The following PACSIN2 variants were observed in gnomAD, a reference collection of about 807,000 sequenced individuals.
PACSIN2 encodes the protein protein kinase C and casein kinase substrate in neurons 2.
PACSIN2 carries 25 observed loss-of-function variants against 63.8 expected under a neutral mutation model. The ratio of observed to expected loss-of-function variants is 0.39; its 90% CI spans 0.29 to 0.55. PACSIN2 has a LOEUF of 0.55. PACSIN2 is among the 20% of genes least tolerant of loss of function. The pLI is 0.62. For missense variants in PACSIN2, 518 were observed against 646.9 expected, an observed-to-expected ratio of 0.80 and a Z score of 2.16; for synonymous variants, 255 against 256.2, an observed-to-expected ratio of 1.00 and a Z score of 0.05.
At chr22:42,997,037 G>A (rs1038178026) in intron 1 of PACSIN2, among the ~76,000 whole-genome samples, 7 of 152,176 alleles carry the variant, frequency 4.6e-5, no homozygotes, top group Admixed American at 4.6e-4. Flanking sequence ...GCTAGAAGGG[G>A]GCTGGGAGGT....
intron 5 of PACSIN2, among the ~76,000 whole-genome samples, chr22:42,887,077 G>A (rs2746988): frequency 1.3e-5 from 2 of 152,138 alleles, no homozygotes; most frequent in Non-Finnish European, 2.9e-5. Flanking sequence ...GAGTTCTCCC[G>A]GACCTTGTGC....
chr22:42,981,714 G>A (rs1318780263), intron 1 of PACSIN2, among the ~76,000 whole-genome samples: 4 of 104,238 alleles, frequency 3.8e-5, no homozygotes, highest in African/African-American at 7.8e-5. Flanking sequence ...CTGCCCGGCC[G>A]CCCCTACTGG....
At chr22:42,918,483 A>G (rs1032643061) in intron 1 of PACSIN2, among the ~76,000 whole-genome samples, 6 of 152,192 alleles carry the variant, frequency 3.9e-5, no homozygotes, top group African/African-American at 1.4e-4. Context: ...TTATTTTTGT[A>G]CCTCAAAAAT....
intron 2 of PACSIN2, among the ~76,000 whole-genome samples, chr22:42,906,874 G>A (rs749391220): frequency 6.6e-6 from 1 of 152,198 alleles, no homozygotes; most frequent in East Asian, 1.9e-4. Flanking sequence ...GAGAAAAAAA[G>A]TACCACACAC....
intron 1 of PACSIN2, among the ~76,000 whole-genome samples, chr22:42,971,096 T>C (rs1461539114): frequency 6.6e-6 from 1 of 152,068 alleles, no homozygotes; most frequent in Non-Finnish European, 1.5e-5. Context: ...AAAAATATTC[T>C]CCCTCTCCCT....
At chr22:42,908,104 G>T (rs1317692724) in intron 2 of PACSIN2, among the ~76,000 whole-genome samples, 1 of 152,180 alleles carries the variant, frequency 6.6e-6, no homozygotes, top group South Asian at 2.1e-4. Context: ...TCTTCTCAGG[G>T]GCTCTTTGTA....
chr22:42,966,225 C>T (rs1920954137), intron 1 of PACSIN2, among the ~76,000 whole-genome samples: 1 of 152,110 alleles, frequency 6.6e-6, no homozygotes, highest in Non-Finnish European at 1.5e-5. Context: ...CAAAAATTAG[C>T]AGGGTGTGGT....
chr22:42,901,449 C>A (rs1271709010), intron 2 of PACSIN2, among the ~76,000 whole-genome samples: 1 of 152,236 alleles, frequency 6.6e-6, no homozygotes, highest in African/African-American at 2.4e-5. Context: ...CCAGCCCTAA[C>A]AAGACCTCCT....
chr22:43,008,319 C>G (rs1300834683), intron 1 of PACSIN2, among the ~76,000 whole-genome samples: 1 of 152,076 alleles, frequency 6.6e-6, no homozygotes, highest in African/African-American at 2.4e-5. Flanking sequence ...GGCACAATCT[C>G]GGCTCACTGC....
Position 42,894,303 on chromosome 22 carries a change from C to T in PACSIN2, c.61-690G>A, listed in dbSNP as rs534550561. Among the ~76,000 whole-genome samples, 9 of 152,086 alleles carry T rather than the reference C, an allele frequency of 5.9e-5. No homozygotes were observed. The South Asian group carries it at 8.3e-4, about 14-fold the overall frequency. On this transcript the variant is annotated intron_variant, in intron 2 of 10. Transcript: ENST00000263246. ...GTCGTCAGGCTGGAGTGCAGTGGCA[C>T]GATCTCGGCTCACTGCAACCTCCGC...
intron 1 of PACSIN2, among the ~76,000 whole-genome samples, chr22:42,912,505 C>T (rs1232743824): frequency 6.6e-6 from 1 of 152,224 alleles, no homozygotes; most frequent in Admixed American, 6.5e-5. Context: ...ACACCCTACT[C>T]CCCTCTCCAG....
At chr22:42,981,453 G>A (rs1266571327) in intron 1 of PACSIN2, among the ~76,000 whole-genome samples, 5 of 91,348 alleles carry the variant, frequency 5.5e-5, no homozygotes, top group South Asian at 3.7e-4. Context: ...CCCTCTGCCC[G>A]GCCAGCCGCC....
intron 1 of PACSIN2, among the ~76,000 whole-genome samples, chr22:42,971,914 C>T (rs544510234): frequency 4.2e-4 from 63 of 151,676 alleles, no homozygotes; most frequent in East Asian, 2.7e-3. Flanking sequence ...ACCCGGCCGC[C>T]GCCCCGTCTG....
At chr22:42,988,030 A>G (rs1922760587) in intron 1 of PACSIN2, among the ~76,000 whole-genome samples, 1 of 151,956 alleles carries the variant, frequency 6.6e-6, no homozygotes, top group South Asian at 2.1e-4. Flanking sequence ...AGTCCCAGCT[A>G]CTTGGGAGGC....
intron 2 of PACSIN2, among the ~76,000 whole-genome samples, chr22:42,911,654 A>G (rs1931467507): frequency 6.6e-6 from 1 of 152,110 alleles, no homozygotes; most frequent in Admixed American, 6.5e-5. Flanking sequence ...TCTACATAAA[A>G]CTCAACAGTA....
rs1928011778 is a variant in PACSIN2 at position 42,870,405 on chromosome 22, CT to C, written c.*951del. ...TCAAGCAGTTTACAAACGAAACTCA[CT>C]GTTAAAAGCTGTTAAATCTCATTAA... On this transcript the variant is annotated 3_prime_UTR_variant, in exon 11 of 11. Transcript: ENST00000263246. The C allele has an allele frequency of 6.6e-6, 1 of 152,194 alleles. No individual in the cohort carries two copies. The allele number at this position is 152,194 out of a possible 1,614,324, so 9.4% of individuals were successfully genotyped here. A position where few individuals can be genotyped will look rare whatever the true frequency, so the allele number is the denominator to read the frequency against.
chr22:42,992,495 C>T (rs1601611459), intron 1 of PACSIN2, among the ~76,000 whole-genome samples: 1 of 152,168 alleles, frequency 6.6e-6, no homozygotes, highest in Admixed American at 6.5e-5. Flanking sequence ...CACCTGTAAT[C>T]CCAACACTTT....
intron 1 of PACSIN2, among the ~76,000 whole-genome samples, chr22:42,939,362 T>C (rs1454612768): frequency 2.0e-5 from 3 of 152,150 alleles, no homozygotes; most frequent in Non-Finnish European, 4.4e-5. Flanking sequence ...AAACTTACTT[T>C]AAAAAGGACA....
intron 1 of PACSIN2, among the ~76,000 whole-genome samples, chr22:42,954,797 G>T (rs1366952992): frequency 2.0e-5 from 3 of 152,180 alleles, no homozygotes; most frequent in Non-Finnish European, 4.4e-5. Context: ...GCCAGGGAAT[G>T]GGGGATGGGG....
Sources: allele counts gnomAD v4.1 joint callset (sites outside exome capture counted in the v4.1 genomes callset), GRCh38; gene constraint gnomAD v4.1.1; transcripts MANE v1.5; gene names NCBI Gene and HGNC (gene_info 2026-07-23, HGNC 2026-07-21).